Variants in GMDS observed in about 807,000 individuals in gnomAD.
The protein encoded by GMDS is GDP-mannose 4,6 dehydratase.
In GMDS, 20 loss-of-function variants were observed where a neutral mutation model predicts 49.9. That is an observed-to-expected ratio of 0.40 (90% confidence interval 0.28 to 0.58). The LOEUF (loss-of-function observed/expected upper bound fraction) is 0.58, where lower values mean the gene tolerates loss of function less well. GMDS is among the 20% of genes least tolerant of loss of function. The probability of loss-of-function intolerance (pLI) is 0.42; values close to 1 mark genes in which losing one functional copy is unlikely to be tolerated. For missense variants in GMDS, 362 were observed against 481.4 expected (o/e 0.75, Z 2.32); for synonymous variants, 177 against 178.6 (o/e 0.99, Z 0.07).
chr6:1,822,548 T>C (rs941661036), intron 7 of GMDS, among the ~76,000 whole-genome samples: 12 of 152,214 alleles, frequency 7.9e-5, no homozygotes, highest in Admixed American at 4.6e-4. Context: ...AAGAAAAATA[T>C]TGATATTTTT....
At chr6:1,858,586 T>C (rs919728589) in intron 7 of GMDS, among the ~76,000 whole-genome samples, 1 of 152,158 alleles carries the variant, frequency 6.6e-6, no homozygotes, top group Non-Finnish European at 1.5e-5. Flanking sequence ...CACTGAGAAA[T>C]GCACACTATA....
intron 7 of GMDS, among the ~76,000 whole-genome samples, chr6:1,826,256 A>C (rs926210600): frequency 7.2e-5 from 11 of 152,198 alleles, no homozygotes; most frequent in African/African-American, 2.7e-4. Flanking sequence ...CTACATGATT[A>C]AACAATTTTC....
intron 7 of GMDS, among the ~76,000 whole-genome samples, chr6:1,823,740 G>T (rs564301827): frequency 1.3e-5 from 2 of 152,200 alleles, no homozygotes; most frequent in East Asian, 3.9e-4. Flanking sequence ...GTTAAGCTAG[G>T]CACAGAGGGT....
chr6:1,954,778 C>T (rs1763541611), intron 6 of GMDS, among the ~76,000 whole-genome samples: 2 of 152,180 alleles, frequency 1.3e-5, no homozygotes, highest in South Asian at 4.1e-4. Context: ...ACTACTTCCT[C>T]CACTTGGAGG....
intron 6 of GMDS, among the ~76,000 whole-genome samples, chr6:1,951,428 C>T (rs560739034): frequency 5.3e-5 from 8 of 152,308 alleles, no homozygotes; most frequent in Admixed American, 3.9e-4. Flanking sequence ...AAGGAATGTC[C>T]TATCTCATCT....
chr6:2,149,875 G>T (rs556665700), intron 1 of GMDS, among the ~76,000 whole-genome samples: 1 of 152,100 alleles, frequency 6.6e-6, no homozygotes, highest in Admixed American at 6.5e-5. Flanking sequence ...AAGTCCCAAG[G>T]TTTTTTGCTT....
At chr6:1,793,518 G>C (rs1205014834) in intron 7 of GMDS, among the ~76,000 whole-genome samples, 1 of 152,170 alleles carries the variant, frequency 6.6e-6, no homozygotes, top group Non-Finnish European at 1.5e-5. Context: ...TGATGAGTCT[G>C]CTTTTATGTC....
In GMDS at chr6:1,766,209, GT is replaced by G. The variant is rs143687311; in HGVS notation, c.772-23624del. Among the ~76,000 whole-genome samples, 11,476 of 152,244 alleles carry G rather than the reference GT, an allele frequency of 0.075. 586 individuals carry two copies. The highest frequency in any genetic ancestry group is 0.11 in the Non-Finnish European group (7,406 of 68,000). On this transcript the variant is annotated intron_variant, in intron 7 of 10. Coordinates refer to ENST00000380815, the MANE Select transcript of GMDS (RefSeq NM_001500.4). The surrounding 1 kb of genome is among the most constrained non-coding windows in gnomAD (Gnocchi z 4.5). ...CTGATGCCATGATTAATTTTTGTGT[GT>G]GGCACAGAAGCAAGGAGAAGTTAGC...
At chr6:1,692,392 G>A (rs563311460) in intron 9 of GMDS, among the ~76,000 whole-genome samples, 33 of 152,322 alleles carry the variant, frequency 2.2e-4, no homozygotes, top group Non-Finnish European at 4.0e-4. Context: ...TCCCTCTAGA[G>A]AATGCTGACT....
chr6:2,119,396 T>A (rs888182052), intron 2 of GMDS, among the ~76,000 whole-genome samples: 6 of 152,186 alleles, frequency 3.9e-5, no homozygotes, highest in Admixed American at 1.3e-4. Context: ...GCTTTTTTTT[T>A]AAATCAAGTG....
chr6:1,713,881 T>C (rs1010930367), intron 9 of GMDS, among the ~76,000 whole-genome samples: 2 of 152,240 alleles, frequency 1.3e-5, no homozygotes, highest in Non-Finnish European at 2.9e-5. Context: ...TTTCTCTTCA[T>C]GTGGGAATTA....
At position 2,178,593 on chromosome 6, in the gene GMDS, G is replaced by C. The variant is rs77640490; in HGVS notation, c.103-53862C>G. On this transcript the variant is annotated intron_variant, in intron 1 of 10. Coordinates refer to ENST00000380815, the MANE Select transcript of GMDS (RefSeq NM_001500.4). ...CCAATCCAACATAAGATTTAGGCAG[G>C]GACACAAATCCAAACCATATCAGGC... Among the ~76,000 whole-genome samples, 755 of 152,116 alleles carry C rather than the reference G, an allele frequency of 5.0e-3. 9 individuals are homozygous for C. Among genetic ancestry groups the C allele is most frequent in the African/African-American group, 0.017 (714 of 41,496 alleles).
intron 4 of GMDS, among the ~76,000 whole-genome samples, chr6:2,106,489 G>T (rs1272615590): frequency 6.6e-6 from 1 of 151,668 alleles, no homozygotes; most frequent in Admixed American, 6.6e-5. Context: ...TTTTGGGGGC[G>T]GGGGAGATAC....
chr6:1,855,791 G>T (rs1757912933), intron 7 of GMDS, among the ~76,000 whole-genome samples: 1 of 152,166 alleles, frequency 6.6e-6, no homozygotes, highest in African/African-American at 2.4e-5. Flanking sequence ...GGAAACATTT[G>T]AAAATGAATT....
At chr6:1,873,443 G>A (rs1349204493) in intron 7 of GMDS, among the ~76,000 whole-genome samples, 1 of 152,116 alleles carries the variant, frequency 6.6e-6, no homozygotes, top group Admixed American at 6.5e-5. Flanking sequence ...ATGGAATTTT[G>A]AGCAACAGCT....
intron 4 of GMDS, among the ~76,000 whole-genome samples, chr6:2,076,520 G>C (rs1310898123): frequency 1.3e-5 from 2 of 152,120 alleles, no homozygotes; most frequent in Non-Finnish European, 2.9e-5. Flanking sequence ...GTACTACAAG[G>C]CTACAGTAAC....
chr6:1,915,054 G>A (rs1736261097), intron 7 of GMDS, among the ~76,000 whole-genome samples: 2 of 152,250 alleles, frequency 1.3e-5, no homozygotes, highest in South Asian at 2.1e-4. Flanking sequence ...AGGGAGAGCA[G>A]CACGGAGGCC....
chr6:2,070,133 T>A (rs1226345079), intron 4 of GMDS, among the ~76,000 whole-genome samples: 1 of 151,114 alleles, frequency 6.6e-6, no homozygotes, highest in South Asian at 2.1e-4. Context: ...ATGGATGAAA[T>A]TGGAAATCAT....
chr6:1,895,601 A>G (rs1167900073), intron 7 of GMDS, among the ~76,000 whole-genome samples: 2 of 152,246 alleles, frequency 1.3e-5, no homozygotes, highest in Non-Finnish European at 2.9e-5. Context: ...TTCTATCACT[A>G]AAGAATCTTT....
Sources: allele counts gnomAD v4.1 joint callset (sites outside exome capture counted in the v4.1 genomes callset), GRCh38; gene constraint gnomAD v4.1.1; non-coding constraint Gnocchi (gnomAD v3.1); transcripts MANE v1.5; gene names NCBI Gene and HGNC (gene_info 2026-07-23, HGNC 2026-07-21).